Variants in ARF4 observed in about 807,000 individuals in gnomAD.
The protein encoded by ARF4 is ADP-ribosylation factor 4.
Under a neutral mutation model 24.3 loss-of-function variants are expected in ARF4, and 5 were observed. The observed-to-expected ratio is 0.21, with a 90% CI of 0.11 to 0.43. The LOEUF is 0.43. Among genes scored for constraint, ARF4 ranks in the 20% least tolerant of loss-of-function variants. The probability of loss-of-function intolerance (pLI) is 1.00; values close to 1 mark genes in which losing one functional copy is unlikely to be tolerated. For missense variants in ARF4, 107 were observed against 213.0 expected (o/e 0.50, Z 3.10); for synonymous variants, 62 against 73.5 (o/e 0.84, Z 0.80).
chr3:57,596,574 C>G (rs1279672611), intron 1 of ARF4: 2 of 153,100 alleles, frequency 1.3e-5, no homozygotes, highest in Admixed American at 6.5e-5. Flanking sequence ...ACTTCCTGCC[C>G]CGGGCGGCTC....
chr3:57,589,452 G>A (rs1191542458), intron 1 of ARF4, among the ~76,000 whole-genome samples: 1 of 152,154 alleles, frequency 6.6e-6, no homozygotes, highest in Non-Finnish European at 1.5e-5. Flanking sequence ...GGGCCCCGTG[G>A]CTCACACCTG....
At chr3:57,574,382 T>C (rs989293339) in intron 5 of ARF4, among the ~76,000 whole-genome samples, 1 of 151,484 alleles carries the variant, frequency 6.6e-6, no homozygotes, top group Admixed American at 6.6e-5. Flanking sequence ...CACTGATCAA[T>C]GATAAGCAAT....
chr3:57,585,065 T>C (rs534148115), intron 1 of ARF4, among the ~76,000 whole-genome samples: 2 of 152,116 alleles, frequency 1.3e-5, no homozygotes, highest in Non-Finnish European at 2.9e-5. Flanking sequence ...GGTTTCACCA[T>C]GTTGGCCAGG....
intron 1 of ARF4, among the ~76,000 whole-genome samples, chr3:57,595,379 T>G (rs1421826159): frequency 2.6e-5 from 4 of 152,218 alleles, no homozygotes; most frequent in Non-Finnish European, 5.9e-5. Context: ...GTCCTCCCAT[T>G]AACTTCCGAT....
At chr3:57,587,640 AGAC>A (rs1342476775) in intron 1 of ARF4, among the ~76,000 whole-genome samples, 2 of 152,124 alleles carry the variant, frequency 1.3e-5, no homozygotes, top group African/African-American at 2.4e-5. Context: ...ATCTTTTTGA[AGAC>A]GACTGCTTGA....
intron 5 of ARF4, among the ~76,000 whole-genome samples, chr3:57,572,729 C>T (rs559994272): frequency 1.3e-5 from 2 of 152,238 alleles, no homozygotes; most frequent in South Asian, 2.1e-4. Flanking sequence ...ATTTTCCCCC[C>T]TCATTCAGCT....
intron 1 of ARF4, among the ~76,000 whole-genome samples, chr3:57,587,565 G>GA (rs1405696768): frequency 6.6e-6 from 1 of 151,622 alleles, no homozygotes; most frequent in Non-Finnish European, 1.5e-5. Context: ...TATGAAAAGA[G>GA]AAAAAAAATT....
intron 5 of ARF4, among the ~76,000 whole-genome samples, chr3:57,572,638 T>C (rs1214721691): frequency 6.6e-6 from 1 of 151,994 alleles, no homozygotes; most frequent in Non-Finnish European, 1.5e-5. Flanking sequence ...GCTGTGCCAC[T>C]GCACTCCAGC....
intron 5 of ARF4, 139 bp downstream of exon 5, chr3:57,575,409 T>C (rs1461029005): frequency 2.9e-5 from 24 of 840,540 alleles, no homozygotes; most frequent in Non-Finnish European, 3.6e-5. Context: ...TTAAAGTTTA[T>C]TACCATATTT....
chr3:57,590,083 C>G (rs1246803423), intron 1 of ARF4, among the ~76,000 whole-genome samples: 1 of 132,896 alleles, frequency 7.5e-6, no homozygotes, highest in Non-Finnish European at 1.6e-5. Context: ...GACCAAGACT[C>G]TGTCTCAATA....
intron 3 of ARF4, among the ~76,000 whole-genome samples, chr3:57,581,801 TAAAC>T (rs1200242115): frequency 6.6e-6 from 1 of 151,964 alleles, no homozygotes; most frequent in African/African-American, 2.4e-5. Context: ...TCAAAAAAAA[TAAAC>T]AAACTGTCTA....
rs564629243 is a variant in ARF4, at chr3:57,596,878, C to A, written c.67+196G>T. On this transcript the variant is annotated intron_variant, in intron 1 of 5. Transcript: ENST00000303436. Reference sequence around the variant, plus strand: ...GCCCGAAGCCCTGTCCCTGTCTCGTCTGGCGACAGATCGGGGGCGGGGGGG... The same window carrying A: ...GCCCGAAGCCCTGTCCCTGTCTCGTATGGCGACAGATCGGGGGCGGGGGGG... 2.5e-4 allele frequency: 152 copies of A among 596,298 alleles called. 1 individual carries two copies. In the East Asian group the frequency reaches 4.4e-3, roughly 17 times the overall value. 36.9% of individuals were successfully genotyped at this position (596,298 alleles called of 1,614,324 possible).
At chr3:57,584,210 G>A (rs1473924879) in intron 2 of ARF4, 174 bp downstream of exon 2, 13 of 741,886 alleles carry the variant, frequency 1.8e-5, no homozygotes, top group East Asian at 2.7e-5. Flanking sequence ...CAATCCACCC[G>A]CCTCGGCCTC....
At chr3:57,594,773 T>C (rs556920728) in intron 1 of ARF4, among the ~76,000 whole-genome samples, 1 of 152,212 alleles carries the variant, frequency 6.6e-6, no homozygotes, top group African/African-American at 2.4e-5. Context: ...ACATTAATAA[T>C]TCCAACAGTT....
At chr3:57,577,133 G>A (rs764740906) in intron 4 of ARF4, among the ~76,000 whole-genome samples, 183 bp downstream of exon 4, 9 of 151,260 alleles carry the variant, frequency 6.0e-5, no homozygotes, top group Middle Eastern at 3.5e-3. Flanking sequence ...TTTTTAAAAC[G>A]CTCTATAAGA....
At chr3:57,585,463 C>T (rs746320577) in intron 1 of ARF4, among the ~76,000 whole-genome samples, 1 of 151,982 alleles carries the variant, frequency 6.6e-6, no homozygotes, top group Admixed American at 6.6e-5. Context: ...AAAATGAAAA[C>T]CAAAGTCTGA....
chr3:57,592,773 C>T (rs982186421), intron 1 of ARF4, among the ~76,000 whole-genome samples: 1 of 152,082 alleles, frequency 6.6e-6, no homozygotes, highest in Non-Finnish European at 1.5e-5. Flanking sequence ...TCAGAAGAGC[C>T]TGTTTTTTTA....
intron 1 of ARF4, among the ~76,000 whole-genome samples, chr3:57,592,457 G>C (rs1402870344): frequency 1.3e-5 from 2 of 152,086 alleles, no homozygotes; most frequent in African/African-American, 2.4e-5. Flanking sequence ...CACTGTACTC[G>C]AGCCTGGGTG....
intron 1 of ARF4, among the ~76,000 whole-genome samples, chr3:57,594,104 A>G (rs2070150195): frequency 6.6e-6 from 1 of 151,976 alleles, no homozygotes; most frequent in Non-Finnish European, 1.5e-5. Flanking sequence ...AAAAATACAA[A>G]CATTAGCTGG....
Sources: gnomAD v4.1 joint callset for allele counts (sites outside exome capture counted in the v4.1 genomes callset) on GRCh38, gnomAD v4.1.1 for gene constraint, MANE v1.5 for transcripts, NCBI Gene and HGNC (gene_info 2026-07-23, HGNC 2026-07-21) for gene names.